DPP10: variants seen among roughly 807,000 people sequenced by gnomAD.
The protein encoded by DPP10 is inactive dipeptidyl peptidase 10.
In DPP10, 33 loss-of-function variants were observed where a neutral mutation model predicts 120.9. That is an observed-to-expected ratio of 0.27 (90% CI 0.21 to 0.37). The LOEUF is 0.37. Among genes scored for constraint, DPP10 ranks in the 10% least tolerant of loss-of-function variants. DPP10 has a pLI of 1.00. For synonymous variants in DPP10, 337 were observed against 326.1 expected (o/e 1.03, Z -0.36); for missense variants, 816 against 942.8 (o/e 0.87, Z 1.76).
At chr2:114,731,851 G>A (rs1302345597) in intron 1 of DPP10, among the ~76,000 whole-genome samples, 1 of 152,072 alleles carries the variant, frequency 6.6e-6, no homozygotes, top group Non-Finnish European at 1.5e-5. Flanking sequence ...AGCAGACAAG[G>A]GTCACATGCA....
chr2:114,448,815 C>T (rs1169892649), intron 1 of DPP10, among the ~76,000 whole-genome samples: 1 of 152,110 alleles, frequency 6.6e-6, no homozygotes, highest in East Asian at 1.9e-4. Flanking sequence ...TTTTATTCCT[C>T]ACAGGGATTA....
chr2:115,016,707 T>C (rs1377312047), intron 1 of DPP10, among the ~76,000 whole-genome samples: 1 of 150,730 alleles, frequency 6.6e-6, no homozygotes, highest in Non-Finnish European at 1.5e-5. Context: ...TGAACAGACA[T>C]TTCTCAAAAG....
rs72839278 is a variant in DPP10 at position 115,262,778 on chromosome 2, G to A, written c.61-46461G>A. Among the ~76,000 whole-genome samples, 1,307 of 152,034 alleles carry A rather than the reference G, an allele frequency of 8.6e-3. 9 individuals carry two copies. Among genetic ancestry groups the A allele is most frequent in the Middle Eastern group, 0.014 (4 of 294 alleles). ...ATGTATTCTCCCTTTTACTGTACTGGCATCTACATATTGACTGTTTTCATG... is the reference window on the plus strand; with the variant it reads ...ATGTATTCTCCCTTTTACTGTACTGACATCTACATATTGACTGTTTTCATG... On this transcript the variant is annotated intron_variant, in intron 1 of 25. Coordinates refer to ENST00000410059, the MANE Select transcript of DPP10 (RefSeq NM_020868.6).
chr2:115,408,881 T>C (rs1404635732), intron 3 of DPP10, among the ~76,000 whole-genome samples: 3 of 152,032 alleles, frequency 2.0e-5, no homozygotes, highest in Non-Finnish European at 4.4e-5. Flanking sequence ...ATGTTAAGAA[T>C]GTAAGATTCT....
intron 1 of DPP10, among the ~76,000 whole-genome samples, chr2:114,812,654 T>G (rs891470608): frequency 6.6e-6 from 1 of 151,546 alleles, no homozygotes; most frequent in Non-Finnish European, 1.5e-5. Context: ...TATCAATGTC[T>G]TTGTTCTCAC....
intron 5 of DPP10, among the ~76,000 whole-genome samples, chr2:115,528,745 GA>G (rs747614376): frequency 2.7e-5 from 4 of 146,274 alleles, no homozygotes; most frequent in South Asian, 4.4e-4. Context: ...TATGCCAAGT[GA>G]AAAAAAAACA....
chr2:114,628,906 T>C (rs965808064), intron 1 of DPP10, among the ~76,000 whole-genome samples: 1 of 152,178 alleles, frequency 6.6e-6, no homozygotes, highest in Non-Finnish European at 1.5e-5. Flanking sequence ...GGTCTTCTTA[T>C]TTCTTTGTCT....
chr2:115,618,969 T>G (rs1232478960), intron 5 of DPP10, among the ~76,000 whole-genome samples: 1 of 151,132 alleles, frequency 6.6e-6, no homozygotes, highest in Non-Finnish European at 1.5e-5. Context: ...TGTAGTGACT[T>G]CCTTTTCTGG....
At chr2:115,491,567 G>A (rs1158673508) in intron 3 of DPP10, among the ~76,000 whole-genome samples, 1 of 152,028 alleles carries the variant, frequency 6.6e-6, no homozygotes, top group African/African-American at 2.4e-5. Flanking sequence ...TTATCTTGGG[G>A]CAGACATCTC....
chr2:115,821,118 A>G (rs1021614625), intron 21 of DPP10, among the ~76,000 whole-genome samples: 9 of 152,192 alleles, frequency 5.9e-5, no homozygotes, highest in African/African-American at 1.9e-4. Context: ...AGTGTTACAT[A>G]TATGTCCATT....
intron 1 of DPP10, among the ~76,000 whole-genome samples, chr2:114,814,568 C>T (rs1341948476): frequency 1.3e-5 from 2 of 152,016 alleles, no homozygotes; most frequent in African/African-American, 2.4e-5. Flanking sequence ...TGCACTGGCA[C>T]GTTTGAGGCA....
intron 5 of DPP10, among the ~76,000 whole-genome samples, chr2:115,542,172 C>G (rs1456540793): frequency 6.6e-6 from 1 of 151,922 alleles, no homozygotes; most frequent in Non-Finnish European, 1.5e-5. Flanking sequence ...GCTACCATCA[C>G]AACTGAGATA....
chr2:115,360,231 T>A (rs1039416261), intron 3 of DPP10, among the ~76,000 whole-genome samples: 2 of 152,224 alleles, frequency 1.3e-5, no homozygotes, highest in African/African-American at 4.8e-5. Context: ...CTGAGACGGT[T>A]AGTGTTATTT....
At chr2:115,817,681 T>G (rs954300803) in intron 21 of DPP10, among the ~76,000 whole-genome samples, 1 of 57,814 alleles carries the variant, frequency 1.7e-5, no homozygotes, top group African/African-American at 3.3e-5. Flanking sequence ...AGTTTTTTGT[T>G]TTTTTTTTTA....
chr2:115,437,839 T>TA, intron 3 of DPP10, among the ~76,000 whole-genome samples: 1 of 152,256 alleles, frequency 6.6e-6, no homozygotes, highest in Non-Finnish European at 1.5e-5. Context: ...GCAAAAATGA[T>TA]ACAACGTTTT....
chr2:115,028,125 C>A (rs940232776), intron 1 of DPP10, among the ~76,000 whole-genome samples: 5 of 151,880 alleles, frequency 3.3e-5, no homozygotes, highest in Non-Finnish European at 7.4e-5. Context: ...TTTATTACTT[C>A]TTTCCATGTA....
intron 5 of DPP10, among the ~76,000 whole-genome samples, chr2:115,581,404 G>A (rs556664333): frequency 2.0e-5 from 3 of 152,212 alleles, no homozygotes; most frequent in African/African-American, 7.2e-5. Flanking sequence ...GGAATTGGAA[G>A]CCCTTTTGGG....
intron 1 of DPP10, among the ~76,000 whole-genome samples, chr2:114,602,571 T>C (rs1334430881): frequency 4.6e-5 from 7 of 151,958 alleles, no homozygotes; most frequent in Non-Finnish European, 8.8e-5. Context: ...CCTATATCTG[T>C]GAATTAATCT....
At chr2:115,223,978 A>C (rs2057309178) in intron 1 of DPP10, among the ~76,000 whole-genome samples, 1 of 152,134 alleles carries the variant, frequency 6.6e-6, no homozygotes, top group African/African-American at 2.4e-5. Context: ...GCAAAATCAC[A>C]CTTAAATTAT....
Sources: gnomAD v4.1 joint callset for allele counts (sites outside exome capture counted in the v4.1 genomes callset) on GRCh38, gnomAD v4.1.1 for gene constraint, MANE v1.5 for transcripts, NCBI Gene and HGNC (gene_info 2026-07-23, HGNC 2026-07-21) for gene names.